The following NPSR1 variants were observed in gnomAD, a reference collection of about 807,000 sequenced individuals.
The protein encoded by NPSR1 is neuropeptide S receptor 1, also known as neuropeptide S receptor.
Under a neutral mutation model 46.9 loss-of-function variants are expected in NPSR1, and 48 were observed. The ratio of observed to expected loss-of-function variants is 1.02; its 90% CI spans 0.81 to 1.30. The LOEUF is 1.30. Among genes scored for constraint, NPSR1 ranks in the 50% most tolerant of loss-of-function variants. NPSR1 has a pLI of 0.00. For missense variants in NPSR1, 450 were observed against 449.5 expected (o/e 1.00, Z -0.01); for synonymous variants, 176 against 168.1 (o/e 1.05, Z -0.36).
chr7:34,835,903 T>C (rs1169458432), intron 6 of NPSR1, among the ~76,000 whole-genome samples: 1 of 152,180 alleles, frequency 6.6e-6, no homozygotes, highest in East Asian at 1.9e-4. Context: ...TCTGATTCAC[T>C]CCATCTGGAG....
At chr7:34,696,477 T>C (rs1423868352) in intron 2 of NPSR1, among the ~76,000 whole-genome samples, 1 of 152,082 alleles carries the variant, frequency 6.6e-6, no homozygotes, top group Non-Finnish European at 1.5e-5. Context: ...CACATATGCC[T>C]GGAATCTAAA....
chr7:34,823,399 G>GAAAAAAAAAAAAAAAAAAAAAAAA (rs577186339), intron 4 of NPSR1, among the ~76,000 whole-genome samples: 24 of 68,220 alleles, frequency 3.5e-4, no homozygotes, highest in African/African-American at 5.1e-4. Context: ...GACTTCACCA[G>GAAAAAAAAAAAAAAAAAAAAAAAA]AAAAAAAAAA....
At chr7:34,845,713 A>T in intron 7 of NPSR1, 1 of 392,168 alleles carries the variant, frequency 2.5e-6, no homozygotes, top group South Asian at 1.9e-5. Context: ...TGGAGTAATA[A>T]ATCTATGAGG....
intron 6 of NPSR1, among the ~76,000 whole-genome samples, chr7:34,842,899 C>T (rs1790621985): frequency 6.6e-6 from 1 of 152,240 alleles, no homozygotes; most frequent in African/African-American, 2.4e-5. Context: ...CTCCACTCTC[C>T]ACGCATTTGT....
chr7:34,786,011 G>A (rs999703824), intron 3 of NPSR1, among the ~76,000 whole-genome samples: 5 of 152,118 alleles, frequency 3.3e-5, no homozygotes, highest in African/African-American at 1.2e-4. Flanking sequence ...TGTGGTGGCT[G>A]TGGCAATTTC....
At chr7:34,834,278 C>A in intron 5 of NPSR1, 106 bp from the exon 6 acceptor site, 1 of 802,630 alleles carries the variant, frequency 1.2e-6, no homozygotes, top group South Asian at 1.5e-5. Flanking sequence ...GTTAAAAGAT[C>A]TGTCCCTTCA....
At chr7:34,837,622 G>T (rs971917834) in intron 6 of NPSR1, among the ~76,000 whole-genome samples, 1 of 152,188 alleles carries the variant, frequency 6.6e-6, no homozygotes, top group African/African-American at 2.4e-5. Context: ...CTTTGAGGTG[G>T]TGTTATTAAC....
intron 2 of NPSR1, among the ~76,000 whole-genome samples, chr7:34,698,282 T>C (rs556119806): frequency 8.5e-5 from 13 of 152,236 alleles, no homozygotes; most frequent in Non-Finnish European, 1.3e-4. Context: ...CACCAAATTA[T>C]ATACTTATGA....
At chr7:34,843,668 T>C (rs1353809829) in intron 6 of NPSR1, among the ~76,000 whole-genome samples, 1 of 152,224 alleles carries the variant, frequency 6.6e-6, no homozygotes, top group Non-Finnish European at 1.5e-5. Flanking sequence ...GCTATACTTG[T>C]GGGGTTGGAC....
chr7:34,712,219 C>A (rs559410371), intron 2 of NPSR1, among the ~76,000 whole-genome samples: 3 of 152,260 alleles, frequency 2.0e-5, no homozygotes, highest in African/African-American at 7.2e-5. Context: ...CAGCATACAG[C>A]AAAGCTCTAA....
intron 3 of NPSR1, among the ~76,000 whole-genome samples, chr7:34,801,845 C>T (rs949474481): frequency 3.3e-5 from 5 of 149,556 alleles, no homozygotes; most frequent in African/African-American, 1.3e-4. Flanking sequence ...TCTCCTTAAG[C>T]TGATAGGCAA....
intron 1 of NPSR1, among the ~76,000 whole-genome samples, chr7:34,662,121 A>C (rs1486935404): frequency 6.6e-6 from 1 of 152,224 alleles, no homozygotes; most frequent in East Asian, 1.9e-4. Flanking sequence ...AATGTAAATG[A>C]AACTTAGTTT....
intron 8 of NPSR1, among the ~76,000 whole-genome samples, chr7:34,858,313 A>C (rs1350398968): frequency 1.3e-5 from 2 of 151,826 alleles, no homozygotes; most frequent in Non-Finnish European, 2.9e-5. Flanking sequence ...GAATAGATAA[A>C]TAAATTATGG....
rs1028102220 is a variant in NPSR1, at chr7:34,859,449, T to C, written c.1025+10786T>C. Among the ~76,000 whole-genome samples, 4 of 151,476 alleles carry C rather than the reference T, an allele frequency of 2.6e-5. 1 individual carries two copies. Among genetic ancestry groups the C allele is most frequent in the African/African-American group, 4.9e-5 (2 of 40,858 alleles). Reference sequence around the variant, plus strand: ...ATCTGAAGTGCATAATACCCCACTATGCGGTGATGTTAGCCCCAGAGCACA... The same window carrying C: ...ATCTGAAGTGCATAATACCCCACTACGCGGTGATGTTAGCCCCAGAGCACA... On this transcript the variant is annotated intron_variant, in intron 8 of 8. Coordinates refer to the NPSR1 transcript ENST00000359791.
intron 3 of NPSR1, among the ~76,000 whole-genome samples, chr7:34,797,351 G>A (rs1187008352): frequency 6.6e-6 from 1 of 152,196 alleles, no homozygotes; most frequent in Non-Finnish European, 1.5e-5. Flanking sequence ...ATGTGTCAAT[G>A]TAGGTTCATC....
chr7:34,862,729 G>C (rs1195447964), intron 8 of NPSR1, among the ~76,000 whole-genome samples: 2 of 151,660 alleles, frequency 1.3e-5, no homozygotes, highest in African/African-American at 4.9e-5. Flanking sequence ...TCTTTCCTAA[G>C]TATGCCCTTC....
chr7:34,804,036 C>A, intron 3 of NPSR1, among the ~76,000 whole-genome samples: 1 of 151,754 alleles, frequency 6.6e-6, no homozygotes. Flanking sequence ...ACACCAGGCC[C>A]AGATGGGTTC....
At chr7:34,807,473 C>A (rs1788759224) in intron 3 of NPSR1, among the ~76,000 whole-genome samples, 1 of 151,996 alleles carries the variant, frequency 6.6e-6, no homozygotes, top group Non-Finnish European at 1.5e-5. Context: ...TGTGTTGTAT[C>A]TTTTATCAAT....
At chr7:34,714,884 T>C (rs1269196006) in intron 2 of NPSR1, among the ~76,000 whole-genome samples, 1 of 152,200 alleles carries the variant, frequency 6.6e-6, no homozygotes, top group Non-Finnish European at 1.5e-5. Context: ...AGCATATCTA[T>C]AAGAAATTGT....
Sources: allele counts gnomAD v4.1 joint callset (sites outside exome capture counted in the v4.1 genomes callset), GRCh38; gene constraint gnomAD v4.1.1; transcripts MANE v1.5; gene names NCBI Gene and HGNC (gene_info 2026-07-23, HGNC 2026-07-21).